Variants in IMPDH1 observed in about 807,000 individuals in gnomAD.
The protein encoded by IMPDH1 is inosine monophosphate dehydrogenase 1.
IMPDH1 carries 41 observed loss-of-function variants against 73.5 expected under a neutral mutation model. That is an observed-to-expected ratio of 0.56 (90% confidence interval 0.43 to 0.72). The LOEUF (loss-of-function observed/expected upper bound fraction) is 0.72. IMPDH1 is among the 30% of genes least tolerant of loss of function. IMPDH1 has a pLI of 0.00. For synonymous variants in IMPDH1, 318 were observed against 334.3 expected, an observed-to-expected ratio of 0.95 and a Z score of 0.53; for missense variants, 645 against 824.8, an observed-to-expected ratio of 0.78 and a Z score of 2.67.
chr7:128,393,877 G>T, intron 16 of IMPDH1: 1 of 336,434 alleles, frequency 3.0e-6, no homozygotes, highest in Non-Finnish European at 5.8e-6. Flanking sequence ...TTGCCCCAGC[G>T]CTGGCCCTGG....
At position 128,398,694 on chromosome 7, in the gene IMPDH1, G is replaced by T; in HGVS notation, c.875-81C>A. 8.7e-7 allele frequency: 1 copy of T among 1,153,524 alleles called. No individual in the cohort carries two copies. Among genetic ancestry groups the T allele is most frequent in the Non-Finnish European group, 1.3e-6 (1 of 772,164 alleles). The allele number at this position is 1,153,524 out of a possible 1,614,324, so 71.5% of individuals were successfully genotyped here. A position where few individuals can be genotyped will look rare whatever the true frequency, so the allele number is the denominator to read the frequency against. On this transcript the variant is annotated intron_variant, in intron 9 of 16. Coordinates refer to ENST00000338791, the MANE Select transcript of IMPDH1 (RefSeq NM_000883.4). The surrounding 1 kb of genome is among the most constrained non-coding windows in gnomAD (Gnocchi z 4.3). ...GATGTTTAGGAGGGTGAAGATGAAA[G>T]TGGACCACTCCAGAGATTCCACTGA...
intron 3 of IMPDH1, 132 bp from the exon 4 acceptor site, chr7:128,405,997 G>A (rs1282384147): frequency 3.1e-6 from 2 of 636,470 alleles, no homozygotes; most frequent in East Asian, 1.4e-4. Flanking sequence ...GCCGGGGGCG[G>A]GGGCGGGGGC....
Position 128,396,220 on chromosome 7 carries a change from T to C in IMPDH1, c.1261+380A>G, listed in dbSNP as rs867158691. ...GTGGAACTCCCCACGCCCAACCACA[T>C]GGTGAAGCAGGTGTATAACATATCT... On this transcript the variant is annotated intron_variant, in intron 12 of 16. Transcript: ENST00000338791. This position sits in a 1 kb window ranked among gnomAD's most constrained non-coding sequence, Gnocchi z 4.0. 3.9e-5 allele frequency among the ~76,000 whole-genome samples: 6 copies of C among 152,330 alleles called. No individual in the cohort carries two copies. In the Middle Eastern group the frequency reaches 0.01, roughly 259 times the overall value.
At chr7:128,399,379 T>C (rs1487750424) in intron 9 of IMPDH1, among the ~76,000 whole-genome samples, 2 of 148,304 alleles carry the variant, frequency 1.3e-5, no homozygotes, top group African/African-American at 2.5e-5. Context: ...AATAAATAAA[T>C]AGAAGCCAAA....
At position 128,398,832 on chromosome 7, in the gene IMPDH1, C is replaced by T. The variant is rs1049619953; in HGVS notation, c.875-219G>A. 1.3e-5 allele frequency among the ~76,000 whole-genome samples: 2 copies of T among 152,184 alleles called. No homozygotes were observed. Among genetic ancestry groups the T allele is most frequent in the Non-Finnish European group, 2.9e-5 (2 of 68,020 alleles). ...AGAAATCTTTCAGCCCAGCAGGTTC[C>T]TGGGGGTCTGTGGATGGGCATCCCC... On this transcript the variant is annotated intron_variant, in intron 9 of 16. Coordinates refer to ENST00000338791, the MANE Select transcript of IMPDH1 (RefSeq NM_000883.4). This position sits in a 1 kb window ranked among gnomAD's most constrained non-coding sequence, Gnocchi z 4.3.
chr7:128,407,009 T>C (rs986901289), intron 3 of IMPDH1, among the ~76,000 whole-genome samples: 2 of 151,814 alleles, frequency 1.3e-5, no homozygotes, highest in Admixed American at 1.3e-4. Context: ...TGGGGAAAGG[T>C]GGGGTGGTAG....
chr7:128,403,719 A>G lies in IMPDH1; in HGVS notation c.389T>C (p.Ile130Thr). Residue 130 changes from isoleucine to threonine, a missense_variant, in exon 5 of 17, where the codon ATA (isoleucine) becomes ACA (threonine). This residue lies in a region of IMPDH1 where 186 missense variants were observed against 186.6 expected (regional missense o/e 1.00). Coordinates refer to ENST00000338791, the MANE Select transcript of IMPDH1 (RefSeq NM_000883.4). The part of the protein sequence containing the change: ...FLILPGFIDF[I>T]ADEVDLTSAL... ...AGAGGTACTCACCACCTCATCAGCT[A>G]TGAAGTCTATGAATCCTGGGAGAAT... 1 of 1,613,952 alleles carries G rather than the reference A, an allele frequency of 6.2e-7. No individual in the cohort carries two copies. The highest frequency in any genetic ancestry group is 8.5e-7 in the Non-Finnish European group (1 of 1,179,812).
At chr7:128,408,624 T>C (rs541618031) in intron 3 of IMPDH1, among the ~76,000 whole-genome samples, 2 of 152,254 alleles carry the variant, frequency 1.3e-5, no homozygotes, top group Admixed American at 1.3e-4. Context: ...AAGTGCAATC[T>C]GGAGAAAGGA....
chr7:128,400,716 GC>G, intron 7 of IMPDH1, 100 bp downstream of exon 7: 1 of 1,206,852 alleles, frequency 8.3e-7, no homozygotes, highest in Non-Finnish European at 1.2e-6. Context: ...GGAAGGACAC[GC>G]AGGGAGTGTA....
At position 128,394,866 on chromosome 7, in the gene IMPDH1, G is replaced by A; in HGVS notation, c.1550+23C>T. 1.2e-6 allele frequency: 2 copies of A among 1,610,658 alleles called. No homozygotes were observed. Among genetic ancestry groups the A allele is most frequent in the Non-Finnish European group, 1.7e-6 (2 of 1,179,896 alleles). On this transcript the variant is annotated intron_variant, in intron 14 of 16. Transcript: ENST00000338791. This position sits in a 1 kb window ranked among gnomAD's most constrained non-coding sequence, Gnocchi z 5.5. ...GAAGGGTTGTGGGCTGATCTGCCCA[G>A]GTGGGGCCCAGGGTCAGGGAACCTG...
chr7:128,409,806 C>A lies in IMPDH1; in HGVS notation c.96G>T (p.Ala32=), dbSNP rs1297556997. The A allele has an allele frequency of 2.0e-6, 3 of 1,500,340 alleles. No homozygotes were observed. Among genetic ancestry groups the A allele is most frequent in the Non-Finnish European group, 2.6e-6 (3 of 1,132,396 alleles). 92.9% of individuals were successfully genotyped at this position (1,500,340 alleles called of 1,614,324 possible). Residue 32 remains alanine (A), a synonymous_variant, in exon 1 of 17, where the codon GCG becomes GCT. Coordinates refer to ENST00000338791, the MANE Select transcript of IMPDH1 (RefSeq NM_000883.4). ...GARQHPGHET[A]AQRYSARLLQ... ...GCAGTCGGGCGCTGTACCGCTGCGC[C>A]GCCGTCTCGTGTCCCGGGTGTTGCC...
At chr7:128,405,474 T>A (rs1798651484) in intron 4 of IMPDH1, among the ~76,000 whole-genome samples, 1 of 151,946 alleles carries the variant, frequency 6.6e-6, no homozygotes, top group Admixed American at 6.6e-5. Flanking sequence ...AATGCCCACA[T>A]CTCCAGTTCC....
intron 16 of IMPDH1, among the ~76,000 whole-genome samples, chr7:128,393,502 G>C (rs117443904): frequency 0.018 from 2,711 of 152,304 alleles, 43 homozygotes; most frequent in South Asian, 0.056. Flanking sequence ...AGCCAGAAAG[G>C]GATATGTGTT....
At chr7:128,407,535 G>A (rs952461010) in intron 3 of IMPDH1, among the ~76,000 whole-genome samples, 1 of 152,206 alleles carries the variant, frequency 6.6e-6, no homozygotes, top group Non-Finnish European at 1.5e-5. Flanking sequence ...GCAGAGCAGT[G>A]AGACCAGCCA....
intron 4 of IMPDH1, among the ~76,000 whole-genome samples, chr7:128,404,799 CCTT>C (rs1286944479): frequency 2.6e-5 from 4 of 152,202 alleles, no homozygotes; most frequent in African/African-American, 7.2e-5. Flanking sequence ...CTTTGGCAGC[CCTT>C]CTTCTGTATA....
Position 128,396,364 on chromosome 7 carries a change from GC to G in IMPDH1, c.1261+235del, listed in dbSNP as rs547518317. ...CAGTCACACCAGCCCCAGGCCCCAA[GC>G]CCCAGGCAGAGCCCCCTTGACCGCA... On this transcript the variant is annotated intron_variant, in intron 12 of 16. Transcript: ENST00000338791. The surrounding 1 kb of genome is among the most constrained non-coding windows in gnomAD (Gnocchi z 4.0). Among the ~76,000 whole-genome samples the G allele has an allele frequency of 1.7e-3, 259 of 152,254 alleles. 1 individual carries two copies. The highest frequency in any genetic ancestry group is 5.9e-3 in the African/African-American group (247 of 41,546).
In IMPDH1 at chr7:128,406,982, G is replaced by A. The variant is rs1422509372; in HGVS notation, c.255-1117C>T. Among the ~76,000 whole-genome samples the A allele has an allele frequency of 2.6e-5, 4 of 152,324 alleles. No individual in the cohort carries two copies. The South Asian group carries it at 8.3e-4, about 32-fold the overall frequency. On this transcript the variant is annotated intron_variant, in intron 3 of 16. Transcript: ENST00000338791. ...ATTTCTACATGGGGGCAGTGACTGG[G>A]TACAGATAGGTTCACATGGGGAAAG...
Position 128,392,707 on chromosome 7 carries a change from C to T in IMPDH1, c.*300G>A. 2.3e-6 allele frequency: 1 copy of T among 426,968 alleles called. No homozygotes were observed. Among genetic ancestry groups the T allele is most frequent in the East Asian group, 4.5e-5 (1 of 22,370 alleles). 26.4% of individuals were successfully genotyped at this position (426,968 alleles called of 1,614,324 possible). On this transcript the variant is annotated 3_prime_UTR_variant, in exon 17 of 17. Transcript: ENST00000338791. ...GGGCCGCCTGCCCCTGGGGTGGGGG[C>T]CAGGCTGGAGCAGGCTGCAGCAAGA... is the stretch of plus-strand genomic sequence containing the variant.
intron 4 of IMPDH1, among the ~76,000 whole-genome samples, chr7:128,404,579 G>A (rs1240008568): frequency 6.6e-6 from 1 of 152,112 alleles, no homozygotes; most frequent in Non-Finnish European, 1.5e-5. Flanking sequence ...ACTGAGCTAA[G>A]CAAAGCAGCA....
Sources: allele counts gnomAD v4.1 joint callset (sites outside exome capture counted in the v4.1 genomes callset), GRCh38; gene constraint gnomAD v4.1.1; regional missense constraint gnomAD v4.1.1; non-coding constraint Gnocchi (gnomAD v3.1); transcripts MANE v1.5; gene names NCBI Gene and HGNC (gene_info 2026-07-23, HGNC 2026-07-21).